The following KDM2A variants were observed in gnomAD, a reference collection of about 807,000 sequenced individuals.
KDM2A encodes the protein lysine demethylase 2A.
A neutral mutation model predicts 137.3 loss-of-function variants in KDM2A; 3 were observed. The observed-to-expected ratio is 0.02, with a 90% CI of 0.01 to 0.06. KDM2A has a LOEUF of 0.06. Among genes scored for constraint, KDM2A ranks in the 10% least tolerant of loss-of-function variants. The probability of loss-of-function intolerance (pLI) is 1.00; values close to 1 mark genes in which losing one functional copy is unlikely to be tolerated. For synonymous variants in KDM2A, 512 were observed against 541.5 expected, an observed-to-expected ratio of 0.95 and a Z score of 0.76; for missense variants, 738 against 1,510.6, an observed-to-expected ratio of 0.49 and a Z score of 8.48.
chr11:67,139,847 T>G (rs1246530807), intron 2 of KDM2A, among the ~76,000 whole-genome samples: 2 of 152,134 alleles, frequency 1.3e-5, no homozygotes, highest in Non-Finnish European at 2.9e-5. Flanking sequence ...TAGCTGGGAT[T>G]AGAGGCATGT....
At chr11:67,204,867 C>A (rs996783245) in intron 5 of KDM2A, among the ~76,000 whole-genome samples, 1 of 152,114 alleles carries the variant, frequency 6.6e-6, no homozygotes, top group African/African-American at 2.4e-5. Flanking sequence ...TCGACTATTT[C>A]CTTGTATGGA....
At chr11:67,247,067 A>ATTTTTTTT (rs1224405381) in intron 15 of KDM2A, among the ~76,000 whole-genome samples, 8 of 27,504 alleles carry the variant, frequency 2.9e-4, no homozygotes, top group Admixed American at 5.7e-4. Context: ...ATATATATAT[A>ATTTTTTTT]TATATTTTTT....
intron 2 of KDM2A, among the ~76,000 whole-genome samples, chr11:67,122,775 A>G (rs1379619416): frequency 6.6e-6 from 1 of 151,520 alleles, no homozygotes; most frequent in Non-Finnish European, 1.5e-5. Context: ...TCCTGGGTTC[A>G]CACCATTCTC....
At chr11:67,153,392 A>G (rs1274236764) in intron 2 of KDM2A, among the ~76,000 whole-genome samples, 1 of 152,108 alleles carries the variant, frequency 6.6e-6, no homozygotes, top group Non-Finnish European at 1.5e-5. Context: ...CAGTTTTTAG[A>G]CACCCTGGCT....
At chr11:67,234,055 G>A (rs998834208) in intron 12 of KDM2A, among the ~76,000 whole-genome samples, 1 of 152,212 alleles carries the variant, frequency 6.6e-6, no homozygotes, top group Admixed American at 6.5e-5. Flanking sequence ...TGTAGCTGAC[G>A]TCAGAAGACA....
chr11:67,190,831 AAC>A (rs2136349937), intron 5 of KDM2A, among the ~76,000 whole-genome samples: 1 of 152,334 alleles, frequency 6.6e-6, no homozygotes, highest in Non-Finnish European at 1.5e-5. Context: ...AATTTCTAGA[AAC>A]ACAAAACTTG....
chr11:67,163,876 A>T (rs1565384341), intron 2 of KDM2A, among the ~76,000 whole-genome samples: 3 of 151,604 alleles, frequency 2.0e-5, no homozygotes, highest in Admixed American at 1.3e-4. Context: ...AAAAAATCAC[A>T]GTTGCTGATA....
intron 2 of KDM2A, among the ~76,000 whole-genome samples, chr11:67,138,638 A>G (rs912095536): frequency 6.6e-6 from 1 of 152,172 alleles, no homozygotes; most frequent in Non-Finnish European, 1.5e-5. Flanking sequence ...AAAATTAACC[A>G]GGTGTGGTGG....
intron 5 of KDM2A, among the ~76,000 whole-genome samples, chr11:67,183,579 A>C (rs566837823): frequency 3.3e-5 from 5 of 152,346 alleles, no homozygotes; most frequent in Admixed American, 1.3e-4. Context: ...TTTCAGGGAC[A>C]GCTTGGACAA....
chr11:67,239,343 T>TA (rs1313746823), intron 12 of KDM2A, among the ~76,000 whole-genome samples: 1 of 152,194 alleles, frequency 6.6e-6, no homozygotes, highest in East Asian at 1.9e-4. Context: ...ACATTTCTAG[T>TA]ACTGTACTGT....
At chr11:67,180,882 G>A (rs766085722) in intron 3 of KDM2A, among the ~76,000 whole-genome samples, 1 of 150,520 alleles carries the variant, frequency 6.6e-6, no homozygotes, top group Non-Finnish European at 1.5e-5. Context: ...GGCTGGTCTC[G>A]AACTCCTGAC....
chr11:67,209,240 A>G (rs1416377048), intron 6 of KDM2A, among the ~76,000 whole-genome samples: 1 of 151,792 alleles, frequency 6.6e-6, no homozygotes, highest in Non-Finnish European at 1.5e-5. Context: ...GCCGAAAGGA[A>G]CTATTTTTGT....
At position 67,254,120 on chromosome 11, in the gene KDM2A, C is replaced by T; in HGVS notation, c.3092-83C>T. On this transcript the variant is annotated intron_variant, in intron 19 of 20. Transcript: ENST00000529006. The surrounding 1 kb of genome is among the most constrained non-coding windows in gnomAD (Gnocchi z 4.7). Reference sequence around the variant, plus strand: ...AACCCCTTCAAGGGGGCCTGGCCAGCAAGTAGCTGTTGCTGCCTGGAGCCT... The same window carrying T: ...AACCCCTTCAAGGGGGCCTGGCCAGTAAGTAGCTGTTGCTGCCTGGAGCCT... The T allele has an allele frequency of 2.3e-6, 3 of 1,282,124 alleles. No individual in the cohort carries two copies. The South Asian group carries it at 4.1e-5, about 18-fold the overall frequency. 79.4% of individuals were successfully genotyped at this position (1,282,124 alleles called of 1,614,324 possible). A position where few individuals can be genotyped will look rare whatever the true frequency, so the allele number is the denominator to read the frequency against.
intron 2 of KDM2A, among the ~76,000 whole-genome samples, chr11:67,125,985 C>T (rs187189386): frequency 1.1e-3 from 170 of 150,872 alleles, no homozygotes; most frequent in African/African-American, 3.8e-3. Context: ...GTGTCTCACG[C>T]CTGTAATCCC....
chr11:67,245,920 A>G lies in KDM2A; in HGVS notation c.1834-65A>G. The G allele has an allele frequency of 6.4e-7, 1 of 1,574,220 alleles. No individual in the cohort carries two copies. Reference sequence around the variant, plus strand: ...GACCCAAATCTCCCATCTTCAGTTTAAGGGAAACTGAAATGATAAAGATCT... The same window carrying G: ...GACCCAAATCTCCCATCTTCAGTTTGAGGGAAACTGAAATGATAAAGATCT... On this transcript the variant is annotated intron_variant, in intron 14 of 20. Coordinates refer to ENST00000529006, the MANE Select transcript of KDM2A (RefSeq NM_012308.3). The surrounding 1 kb of genome is among the most constrained non-coding windows in gnomAD (Gnocchi z 4.1).
chr11:67,152,578 A>G (rs1856417526), intron 2 of KDM2A, among the ~76,000 whole-genome samples: 1 of 151,994 alleles, frequency 6.6e-6, no homozygotes, highest in Non-Finnish European at 1.5e-5. Flanking sequence ...ACTGCACTCT[A>G]GCTTCAGTGA....
chr11:67,230,340 CAT>C (rs1858671385), intron 11 of KDM2A, among the ~76,000 whole-genome samples: 1 of 152,112 alleles, frequency 6.6e-6, no homozygotes, highest in Non-Finnish European at 1.5e-5. Context: ...CAACAAAACA[CAT>C]ATAGACCAGG....
At chr11:67,228,685 C>T (rs1360451912) in intron 11 of KDM2A, among the ~76,000 whole-genome samples, 2 of 95,636 alleles carry the variant, frequency 2.1e-5, no homozygotes, top group African/African-American at 1.1e-4. Context: ...AACCCTGTTG[C>T]GAAAAAAAAA....
intron 10 of KDM2A, among the ~76,000 whole-genome samples, chr11:67,224,792 CA>C (rs1273352360): frequency 6.7e-6 from 1 of 148,522 alleles, no homozygotes; most frequent in African/African-American, 2.5e-5. Context: ...TCATTTTCCC[CA>C]ATGATACTCA....
Sources: allele counts gnomAD v4.1 joint callset (sites outside exome capture counted in the v4.1 genomes callset), GRCh38; gene constraint gnomAD v4.1.1; non-coding constraint Gnocchi (gnomAD v3.1); transcripts MANE v1.5; gene names NCBI Gene and HGNC (gene_info 2026-07-23, HGNC 2026-07-21).